AHCY: variants seen among roughly 807,000 people sequenced by gnomAD.
The protein encoded by AHCY is adenosylhomocysteinase.
Under a neutral mutation model 45.4 loss-of-function variants are expected in AHCY, and 24 were observed. The observed-to-expected ratio is 0.53, with a 90% confidence interval of 0.38 to 0.74. The LOEUF is 0.74. AHCY is among the 30% of genes least tolerant of loss of function. The pLI is 0.00. For synonymous variants in AHCY, 245 were observed against 235.1 expected (o/e 1.04, Z -0.39); for missense variants, 449 against 594.1 (o/e 0.76, Z 2.54).
At chr20:34,284,096 T>G (rs1456621040) in intron 9 of AHCY, among the ~76,000 whole-genome samples, 1 of 152,162 alleles carries the variant, frequency 6.6e-6, no homozygotes. Flanking sequence ...CTGGATTTCA[T>G]GTCAGAGGAC....
chr20:34,242,072 T>C, the AHCY span, among the ~76,000 whole-genome samples: 1 of 152,152 alleles, frequency 6.6e-6, no homozygotes, highest in Non-Finnish European at 1.5e-5. Flanking sequence ...TTTTCAATTG[T>C]AGGTGAGTTC....
downstream of AHCY, among the ~76,000 whole-genome samples, chr20:34,277,174 G>A (rs200466109): frequency 6.6e-6 from 1 of 152,118 alleles, no homozygotes. Flanking sequence ...AGCCTAGGAG[G>A]CCCCTCCCAC....
downstream of AHCY, among the ~76,000 whole-genome samples, chr20:34,276,480 T>A (rs1004999229): frequency 6.6e-6 from 1 of 152,086 alleles, no homozygotes; most frequent in Non-Finnish European, 1.5e-5. Context: ...CTCTCCCTGG[T>A]AATAGGGCAA....
At chr20:34,255,097 T>C in the AHCY span, among the ~76,000 whole-genome samples, 2 of 152,198 alleles carry the variant, frequency 1.3e-5, no homozygotes, top group Admixed American at 6.5e-5. Context: ...GCTGCTCTGA[T>C]GGTGAACTGA....
At chr20:34,274,992 G>A in the AHCY span, among the ~76,000 whole-genome samples, 1 of 151,968 alleles carries the variant, frequency 6.6e-6, no homozygotes, top group Admixed American at 6.6e-5. Flanking sequence ...TTCCAGCACT[G>A]CCCCTCACTG....
the AHCY span, among the ~76,000 whole-genome samples, chr20:34,247,625 T>G: frequency 6.6e-6 from 1 of 152,108 alleles, no homozygotes; most frequent in African/African-American, 2.4e-5. Context: ...ACTTTTTTTT[T>G]TGAGACATGG....
At chr20:34,269,964 A>C in the AHCY span, among the ~76,000 whole-genome samples, 1 of 148,694 alleles carries the variant, frequency 6.7e-6, no homozygotes, top group Non-Finnish European at 1.5e-5. Context: ...AAAAAAAAAA[A>C]AAAAAAAAAA....
downstream of AHCY, among the ~76,000 whole-genome samples, chr20:34,278,446 C>T (rs1601629591): frequency 6.6e-6 from 1 of 152,278 alleles, no homozygotes; most frequent in African/African-American, 2.4e-5. Context: ...AGGCGTTCAA[C>T]CTCTCTGGCT....
chr20:34,258,792 G>A, the AHCY span, among the ~76,000 whole-genome samples: 5 of 103,274 alleles, frequency 4.8e-5, no homozygotes, highest in Admixed American at 1.3e-4. Context: ...TATATATAGT[G>A]TATATATAAT....
chr20:34,286,834 CAAAAAAAAAAAAAAAAA>C (rs71194603), intron 8 of AHCY, among the ~76,000 whole-genome samples: 1 of 53,732 alleles, frequency 1.9e-5, no homozygotes, highest in Non-Finnish European at 3.6e-5. Context: ...AACTCCGTCT[CAAAAAAAAAAAAAAAAA>C]AAAAAAAAGA....
chr20:34,244,868 TA>T, the AHCY span, among the ~76,000 whole-genome samples: 14 of 152,216 alleles, frequency 9.2e-5, no homozygotes, highest in Non-Finnish European at 1.5e-5. Context: ...ACAAATTTAT[TA>T]GATTCACACC....
the AHCY span, chr20:34,260,380 T>C: frequency 3.1e-6 from 5 of 1,613,210 alleles, no homozygotes; most frequent in Admixed American, 8.3e-5. Context: ...CTGGGATGGA[T>C]GTCACCCGCT....
rs373929711 is a variant in AHCY at position 34,281,110 on chromosome 20, T to C, written c.1223A>G (p.Lys408Arg). The C allele has an allele frequency of 1.9e-5, 31 of 1,614,004 alleles. No individual in the cohort carries two copies. The highest frequency in any genetic ancestry group is 3.3e-5 in the Admixed American group (2 of 59,998). ...GTACTGGGCTTGCTTCTCAGTTAGC[T>C]TGGTCAACTTCACATTCAGCTTGCC... is the stretch of plus-strand genomic sequence containing the variant. ...HLGKLNVKLT[K>R]LTEKQAQYLG... is the part of the protein sequence containing the mutation. Residue 408 changes from lysine (K) to arginine (R), a missense_variant, in exon 10 of 10, where the codon AAG becomes AGG. Lys to Arg is a conservative substitution (Grantham distance 26). Transcript: ENST00000217426.
chr20:34,293,916 G>A, intron 3 of AHCY, 165 bp downstream of exon 3: 1 of 734,704 alleles, frequency 1.4e-6, no homozygotes, highest in Non-Finnish European at 2.4e-6. Flanking sequence ...AGATGATGAT[G>A]GGACAAAGCA....
the AHCY span, among the ~76,000 whole-genome samples, chr20:34,271,984 TA>T: frequency 6.0e-5 from 9 of 150,950 alleles, no homozygotes; most frequent in Admixed American, 2.0e-4. Context: ...GAAAAAAAGG[TA>T]GAGGGTTAGT....
chr20:34,275,931 T>C (rs2035907079), downstream of AHCY, among the ~76,000 whole-genome samples: 1 of 151,992 alleles, frequency 6.6e-6, no homozygotes, highest in Non-Finnish European at 1.5e-5. Context: ...CCTCAGGTGA[T>C]CTGCCCACCT....
intron 1 of AHCY, among the ~76,000 whole-genome samples, chr20:34,298,254 G>C (rs2036636118): frequency 6.6e-6 from 1 of 152,004 alleles, no homozygotes; most frequent in Non-Finnish European, 1.5e-5. Flanking sequence ...AACAAGAATA[G>C]TTATACTAGA....
chr20:34,272,422 A>G, the AHCY span, among the ~76,000 whole-genome samples: 82 of 152,074 alleles, frequency 5.4e-4, 2 homozygotes, highest in Non-Finnish European at 1.8e-4. Context: ...AACACTATCT[A>G]CTTGGAGATG....
intron 1 of AHCY, among the ~76,000 whole-genome samples, chr20:34,297,113 G>A (rs940991012): frequency 6.6e-6 from 1 of 151,962 alleles, no homozygotes; most frequent in Non-Finnish European, 1.5e-5. Context: ...CCTGTCAGGT[G>A]AGAACCTCTA....
Sources: gnomAD v4.1 joint callset for allele counts (sites outside exome capture counted in the v4.1 genomes callset) on GRCh38, gnomAD v4.1.1 for gene constraint, MANE v1.5 for transcripts, NCBI Gene and HGNC (gene_info 2026-07-23, HGNC 2026-07-21) for gene names.